Variants in SHLD2 observed in about 807,000 individuals in gnomAD.
The protein encoded by SHLD2 is shieldin complex subunit 2, also known as RINN1-REV7-interacting novel NHEJ regulator 2.
A neutral mutation model predicts 73.2 loss-of-function variants in SHLD2; 30 were observed. That is an observed-to-expected ratio of 0.41 (90% CI 0.31 to 0.56). SHLD2 has a LOEUF of 0.56. SHLD2 is among the 20% of genes least tolerant of loss of function. SHLD2 has a pLI of 0.28. For synonymous variants in SHLD2, 285 were observed against 370.1 expected, an observed-to-expected ratio of 0.77 and a Z score of 2.64; for missense variants, 745 against 1,055.9, an observed-to-expected ratio of 0.71 and a Z score of 4.08.
intron 7 of SHLD2, among the ~76,000 whole-genome samples, chr10:87,179,222 G>A (rs1001477909): frequency 2.6e-5 from 4 of 152,198 alleles, no homozygotes; most frequent in Non-Finnish European, 4.4e-5. Flanking sequence ...AGTGAATTAT[G>A]AATATGCTTG....
intron 2 of SHLD2, among the ~76,000 whole-genome samples, chr10:87,147,082 A>G (rs1885931): frequency 6.8e-6 from 1 of 147,854 alleles, no homozygotes; most frequent in African/African-American, 2.5e-5. Flanking sequence ...GAAAAAAAAA[A>G]AAAAAACAAA....
chr10:87,120,504 C>T (rs1173376217), intron 2 of SHLD2, among the ~76,000 whole-genome samples: 1 of 151,840 alleles, frequency 6.6e-6, no homozygotes, highest in East Asian at 2.0e-4. Flanking sequence ...GCCTCGGCCT[C>T]CCAAAGTGCT....
chr10:87,127,345 A>G (rs1203428134), intron 2 of SHLD2, among the ~76,000 whole-genome samples: 2 of 152,132 alleles, frequency 1.3e-5, no homozygotes, highest in Non-Finnish European at 2.9e-5. Flanking sequence ...TAACTTGCCT[A>G]GTGAGAGTGA....
At chr10:87,179,559 G>A (rs368153727) in intron 7 of SHLD2, among the ~76,000 whole-genome samples, 8 of 152,086 alleles carry the variant, frequency 5.3e-5, no homozygotes, top group African/African-American at 1.4e-4. Context: ...CAGCCACCGC[G>A]CCTGGCTAAT....
intron 2 of SHLD2, among the ~76,000 whole-genome samples, chr10:87,149,085 G>C (rs1281463772): frequency 6.6e-6 from 1 of 151,192 alleles, no homozygotes; most frequent in African/African-American, 2.4e-5. Context: ...ATGAAGTTTC[G>C]CCATGTTGGC....
intron 6 of SHLD2, among the ~76,000 whole-genome samples, chr10:87,173,812 G>C (rs995210276): frequency 9.9e-5 from 15 of 152,112 alleles, no homozygotes; most frequent in African/African-American, 3.6e-4. Context: ...TATCTATAGA[G>C]ATAAATGGGG....
At chr10:87,105,827 G>C (rs1392937200) in intron 2 of SHLD2, among the ~76,000 whole-genome samples, 1 of 152,186 alleles carries the variant, frequency 6.6e-6, no homozygotes, top group Non-Finnish European at 1.5e-5. Context: ...CTTTTCCAAA[G>C]GCCTGCCAGC....
At chr10:87,188,346 GT>G (rs1329964968) in intron 9 of SHLD2, among the ~76,000 whole-genome samples, 1 of 151,986 alleles carries the variant, frequency 6.6e-6, no homozygotes, top group Non-Finnish European at 1.5e-5. Flanking sequence ...GGATGGAGGG[GT>G]TTTTTTTCTT....
chr10:87,120,482 C>G (rs1331821948), intron 2 of SHLD2, among the ~76,000 whole-genome samples: 1 of 151,688 alleles, frequency 6.6e-6, no homozygotes, highest in Non-Finnish European at 1.5e-5. Context: ...CTCCTGACCT[C>G]GTGATCTGCC....
rs1846036768 is a variant in SHLD2, at chr10:87,151,848, C to A, written c.494C>A (p.Thr165Lys). 1.9e-6 allele frequency: 3 copies of A among 1,611,616 alleles called. No homozygotes were observed. The highest frequency in any genetic ancestry group is 2.5e-6 in the Non-Finnish European group (3 of 1,179,668). ...GATATATGTGGTAAGAACTTTAACA[C>A]AAATTTGTTTCAGTTGGGCCATAAA... ...QPDICGKNFN[T>K]NLFQLGHKCA... is the part of the protein sequence containing the mutation. Residue 165 changes from threonine to lysine, a missense_variant, in exon 3 of 10, where the codon ACA becomes AAA. By Grantham distance (78) the Thr-to-Lys change is moderately conservative. This residue lies in a region of SHLD2 where 280 missense variants were observed against 353.9 expected (regional missense o/e 0.79). Coordinates refer to ENST00000298786, the MANE Select transcript of SHLD2 (RefSeq NM_001330112.2).
chr10:87,150,618 G>A (rs929550200), intron 2 of SHLD2, among the ~76,000 whole-genome samples: 8 of 151,350 alleles, frequency 5.3e-5, no homozygotes, highest in East Asian at 2.1e-4. Context: ...AAAATTAGCC[G>A]GGCGTGGTGG....
At chr10:87,119,532 C>T (rs550061921) in intron 2 of SHLD2, among the ~76,000 whole-genome samples, 3 of 152,118 alleles carry the variant, frequency 2.0e-5, no homozygotes, top group South Asian at 2.1e-4. Flanking sequence ...GAGGCTGAGG[C>T]GGGTGGATCA....
chr10:87,158,960 T>G (rs1020258389), intron 4 of SHLD2, among the ~76,000 whole-genome samples: 1 of 152,070 alleles, frequency 6.6e-6, no homozygotes, highest in Non-Finnish European at 1.5e-5. Context: ...TTATGAAGAT[T>G]AAGTGAGAAA....
intron 2 of SHLD2, among the ~76,000 whole-genome samples, chr10:87,124,919 T>G (rs1843886900): frequency 6.6e-6 from 1 of 152,036 alleles, no homozygotes; most frequent in Non-Finnish European, 1.5e-5. Flanking sequence ...TTGTTTTTTA[T>G]TTTTTGTAGA....
intron 2 of SHLD2, among the ~76,000 whole-genome samples, chr10:87,100,710 C>T (rs1360127313): frequency 6.6e-6 from 1 of 152,024 alleles, no homozygotes; most frequent in East Asian, 1.9e-4. Flanking sequence ...ACTCCTTGAC[C>T]CAGGTGATCC....
At chr10:87,128,601 C>T (rs1041683020) in intron 2 of SHLD2, among the ~76,000 whole-genome samples, 1 of 152,192 alleles carries the variant, frequency 6.6e-6, no homozygotes, top group African/African-American at 2.4e-5. Flanking sequence ...TTTCCTCTCA[C>T]CCTTCATTAG....
At chr10:87,107,824 A>G (rs1372756178) in intron 2 of SHLD2, among the ~76,000 whole-genome samples, 2 of 152,170 alleles carry the variant, frequency 1.3e-5, no homozygotes, top group African/African-American at 4.8e-5. Flanking sequence ...ACTTAAATAT[A>G]CAAAGATGTA....
chr10:87,151,897 T>C lies in SHLD2; in HGVS notation c.543T>C (p.Val181=), dbSNP rs1846038897. ...GHKCAAVLDL[V]CSTEKINIGP... is the part of the protein sequence containing the mutation. ...AATGTGCAGCTGTGTTGGATTTGGTTTGTAGTACTGAAAAAATTAATATAG... is the reference window on the plus strand; with the variant it reads ...AATGTGCAGCTGTGTTGGATTTGGTCTGTAGTACTGAAAAAATTAATATAG... Residue 181 remains valine (V), a synonymous_variant, in exon 3 of 10, where the codon GTT becomes GTC. Transcript: ENST00000298786. 16 of 1,611,528 alleles carry C rather than the reference T, an allele frequency of 9.9e-6. No homozygotes were observed. Among genetic ancestry groups the C allele is most frequent in the Non-Finnish European group, 1.4e-5 (16 of 1,179,558 alleles).
rs530540047 is a variant in SHLD2 at position 87,181,583 on chromosome 10, A to G, written c.2399+1280A>G. On this transcript the variant is annotated intron_variant, in intron 8 of 9. Transcript: ENST00000298786. Reference sequence around the variant, plus strand: ...GGGCCTTTGAATCTTTAGTTTACAAAATGACTGTTCAAGAGAAGGACTTCA... The same window carrying G: ...GGGCCTTTGAATCTTTAGTTTACAAGATGACTGTTCAAGAGAAGGACTTCA... Among the ~76,000 whole-genome samples the G allele has an allele frequency of 2.6e-3, 400 of 151,690 alleles. 1 individual carries two copies. The highest frequency in any genetic ancestry group is 8.1e-3 in the African/African-American group (337 of 41,404).
Sources: gnomAD v4.1 joint callset for allele counts (sites outside exome capture counted in the v4.1 genomes callset) on GRCh38, gnomAD v4.1.1 for gene constraint, gnomAD v4.1.1 regional missense constraint, MANE v1.5 for transcripts, NCBI Gene and HGNC (gene_info 2026-07-23, HGNC 2026-07-21) for gene names.